SEMA3A: variants seen among roughly 807,000 people sequenced by gnomAD.
SEMA3A encodes the protein semaphorin 3A.
In SEMA3A, 29 loss-of-function variants were observed where a neutral mutation model predicts 97.9. The ratio of observed to expected loss-of-function variants is 0.30; its 90% CI spans 0.22 to 0.40. SEMA3A has a LOEUF of 0.40. Ranked by LOEUF, SEMA3A falls within the 10% of genes least tolerant of loss-of-function variation. The pLI is 1.00. For missense variants in SEMA3A, 763 were observed against 951.3 expected (o/e 0.80, Z 2.60); for synonymous variants, 321 against 323.7 (o/e 0.99, Z 0.09).
intron 2 of SEMA3A, among the ~76,000 whole-genome samples, chr7:84,325,989 G>T (rs1801766867): frequency 6.6e-6 from 1 of 152,000 alleles, no homozygotes; most frequent in African/African-American, 2.4e-5. Flanking sequence ...ACATGTAACT[G>T]AGATCATACA....
At chr7:84,144,788 A>C (rs1796414972) in intron 1 of SEMA3A, among the ~76,000 whole-genome samples, 1 of 152,142 alleles carries the variant, frequency 6.6e-6, no homozygotes, top group Admixed American at 6.6e-5. Context: ...CTATAACAAT[A>C]ACAACTTCTT....
intron 1 of SEMA3A, among the ~76,000 whole-genome samples, chr7:84,421,867 T>A (rs1228962): frequency 6.6e-6 from 1 of 151,720 alleles, no homozygotes; most frequent in African/African-American, 2.4e-5. Context: ...GGGATGAAGC[T>A]GACTTGATTG....
At chr7:84,037,146 G>GT (rs936312136) in intron 6 of SEMA3A, among the ~76,000 whole-genome samples, 1 of 142,712 alleles carries the variant, frequency 7.0e-6, no homozygotes, top group African/African-American at 2.6e-5. Flanking sequence ...AAACAGCTAA[G>GT]TTTTTTTTCT....
At chr7:84,001,841 A>G (rs921657743) in intron 12 of SEMA3A, 114 bp downstream of exon 12, 7 of 524,390 alleles carry the variant, frequency 1.3e-5, no homozygotes, top group Non-Finnish European at 1.0e-5. Flanking sequence ...TGACAAGCTA[A>G]TTAGAAGGGT....
intron 1 of SEMA3A, among the ~76,000 whole-genome samples, chr7:84,408,161 T>C (rs1804156053): frequency 6.6e-6 from 1 of 151,938 alleles, no homozygotes; most frequent in Non-Finnish European, 1.5e-5. Flanking sequence ...AGGGCTAATA[T>C]CCAGAATCTA....
At chr7:84,128,009 A>C (rs1364208836) in intron 3 of SEMA3A, among the ~76,000 whole-genome samples, 1 of 152,250 alleles carries the variant, frequency 6.6e-6, no homozygotes, top group Non-Finnish European at 1.5e-5. Context: ...GAATTAATTT[A>C]TTTAAATGAT....
At position 84,349,869 on chromosome 7, in the gene SEMA3A, A is replaced by G. The variant is rs190668357; in HGVS notation, c.-169+21955T>C. ...TCATATATATCTATGACTTCAATGA[A>G]TAAGTCTTCAAAGATTTGTCCTAAT... On this transcript the variant is annotated intron_variant, in intron 2 of 3. Transcript: ENST00000424555. Among the ~76,000 whole-genome samples the G allele has an allele frequency of 2.5e-4, 38 of 152,222 alleles. No individual in the cohort carries two copies. The East Asian group carries it at 6.8e-3, about 27-fold the overall frequency.
intron 1 of SEMA3A, among the ~76,000 whole-genome samples, chr7:84,408,755 G>T (rs1027330612): frequency 7.9e-5 from 12 of 151,692 alleles, no homozygotes; most frequent in African/African-American, 2.9e-4. Flanking sequence ...GGACATGGAT[G>T]AAGCTGGAAA....
rs57809084 is a variant in SEMA3A at position 84,266,313 on chromosome 7, CAAAAAAAAA to C, written c.-83+40885_-83+40893del. Among the ~76,000 whole-genome samples the C allele has an allele frequency of 8.5e-5, 6 of 70,484 alleles. No homozygotes were observed. The South Asian group carries it at 3.1e-3, about 37-fold the overall frequency. 46.2% of individuals were successfully genotyped at this position (70,484 alleles called of 152,430 possible). ...TCTAGCCTGGAGTGAGATTTGGTCT[CAAAAAAAAA>C]AAAAAAAAAAAAAAAGAAAAATGTT... On this transcript the variant is annotated intron_variant, in intron 3 of 3. Transcript: ENST00000424555.
At chr7:83,995,307 A>G (rs144568150) in intron 12 of SEMA3A, among the ~76,000 whole-genome samples, 2,241 of 152,210 alleles carry the variant, frequency 0.015, 26 homozygotes, top group Middle Eastern at 0.031. Flanking sequence ...CTGTAGACCG[A>G]AGCTGTTCCT....
At chr7:84,279,535 T>C (rs756537474) in intron 3 of SEMA3A, among the ~76,000 whole-genome samples, 12 of 152,194 alleles carry the variant, frequency 7.9e-5, no homozygotes, top group Non-Finnish European at 1.3e-4. Flanking sequence ...ACATGGCTAC[T>C]GATTTCAAGT....
At chr7:84,443,880 C>CTTT (rs71078831) in intron 1 of SEMA3A, among the ~76,000 whole-genome samples, 1,293 of 92,354 alleles carry the variant, frequency 0.014, 21 homozygotes, top group Middle Eastern at 0.026. Flanking sequence ...GTGCTTTGTC[C>CTTT]TTTTTTTTTT....
At chr7:84,442,906 A>C (rs958621764) in intron 1 of SEMA3A, among the ~76,000 whole-genome samples, 1 of 152,180 alleles carries the variant, frequency 6.6e-6, no homozygotes, top group African/African-American at 2.4e-5. Flanking sequence ...AAGTTTCAAT[A>C]AAACATAAAG....
chr7:84,110,346 G>T, intron 4 of SEMA3A, 124 bp downstream of exon 4: 2 of 998,710 alleles, frequency 2.0e-6, no homozygotes, highest in Non-Finnish European at 3.0e-6. Context: ...AACAGCATCT[G>T]AGTTTGAAGT....
At chr7:84,319,113 A>G (rs1440439845) in intron 2 of SEMA3A, among the ~76,000 whole-genome samples, 1 of 152,178 alleles carries the variant, frequency 6.6e-6, no homozygotes. Context: ...GTTATTTTAA[A>G]TTCACTGTAC....
At chr7:84,108,978 G>GCATGTAAAAAGTGCAATATCATGACT (rs1795200285) in intron 4 of SEMA3A, among the ~76,000 whole-genome samples, 4 of 150,906 alleles carry the variant, frequency 2.7e-5, no homozygotes, top group Non-Finnish European at 5.9e-5. Context: ...AATTCCTGAC[G>GCATGTAAAAAGTGCAATATCATGACT]CATGTAAAAA....
intron 12 of SEMA3A, among the ~76,000 whole-genome samples, chr7:83,987,585 G>A (rs1037707231): frequency 6.6e-6 from 1 of 152,104 alleles, no homozygotes; most frequent in Non-Finnish European, 1.5e-5. Context: ...AGAGATTTTG[G>A]CTGTTTATTT....
rs778944718 is a variant in SEMA3A at position 84,011,223 on chromosome 7, C to T, written c.885G>A (p.Val295=). 4.3e-6 allele frequency: 7 copies of T among 1,613,856 alleles called. No individual in the cohort carries two copies. In the African/African-American group the frequency reaches 5.3e-5, roughly 12 times the overall value. The part of the protein sequence containing the change: ...TFLKARLICS[V]PGPNGIDTHF... Reference sequence around the variant, plus strand: ...GAGTGTCAATGCCATTTGGACCTGGCACTGAGCAAATCAGACGAGCTTTGA... The same window carrying T: ...GAGTGTCAATGCCATTTGGACCTGGTACTGAGCAAATCAGACGAGCTTTGA... Residue 295 remains valine (V), a synonymous_variant, in exon 8 of 17, where the codon GTG becomes GTA. Coordinates refer to ENST00000265362, the MANE Select transcript of SEMA3A (RefSeq NM_006080.3).
chr7:84,145,368 C>T lies in SEMA3A; in HGVS notation c.113-10417G>A, dbSNP rs1455834336. 2.0e-5 allele frequency among the ~76,000 whole-genome samples: 3 copies of T among 152,190 alleles called. 1 individual carries two copies. Among genetic ancestry groups the T allele is most frequent in the Admixed American group, 2.0e-4 (3 of 15,274 alleles). ...ACCTACTCCTGGCGTATACCTACTA[C>T]TGACACACAGAAGCAAGTGACTCAA... On this transcript the variant is annotated intron_variant, in intron 1 of 16. Transcript: ENST00000265362.
Sources: gnomAD v4.1 joint callset for allele counts (sites outside exome capture counted in the v4.1 genomes callset) on GRCh38, gnomAD v4.1.1 for gene constraint, MANE v1.5 for transcripts, NCBI Gene and HGNC (gene_info 2026-07-23, HGNC 2026-07-21) for gene names.